The following CALN1 variants were observed in gnomAD, a reference collection of about 807,000 sequenced individuals.
CALN1 encodes the protein calneuron 1.
CALN1 carries 17 observed loss-of-function variants against 30.6 expected under a neutral mutation model. The observed-to-expected ratio is 0.56, with a 90% CI of 0.38 to 0.83. The LOEUF (loss-of-function observed/expected upper bound fraction) is 0.83, where lower values mean the gene tolerates loss of function less well. CALN1 is among the 40% of genes least tolerant of loss of function. The pLI, the probability that CALN1 is intolerant of heterozygous loss-of-function variation, is 0.00. For synonymous variants in CALN1, 156 were observed against 131.4 expected (o/e 1.19, Z -1.28); for missense variants, 291 against 354.9 (o/e 0.82, Z 1.45).
chr7:72,307,439 C>A (rs1479827368), intron 2 of CALN1, among the ~76,000 whole-genome samples: 1 of 152,152 alleles, frequency 6.6e-6, no homozygotes, highest in Non-Finnish European at 1.5e-5. Flanking sequence ...CCCGTCTGGC[C>A]GCAAGAGAGG....
At chr7:71,899,181 T>G in intron 5 of CALN1, among the ~76,000 whole-genome samples, 1 of 146,418 alleles carries the variant, frequency 6.8e-6, no homozygotes. Context: ...GTTTCACTCG[T>G]CGCCCAGGCT....
rs1220716888 is a variant in CALN1, at chr7:71,779,638, ATAT to A, written c.*8134_*8136del. The A allele has an allele frequency of 2.0e-5, 3 of 152,236 alleles. No homozygotes were observed. The highest frequency in any genetic ancestry group is 1.9e-4 in the East Asian group (1 of 5,204). 9.4% of individuals were successfully genotyped at this position (152,236 alleles called of 1,614,324 possible). A position where few individuals can be genotyped will look rare whatever the true frequency, so the allele number is the denominator to read the frequency against. ...GTTTTCCTTTATACACTAAGATAAC[ATAT>A]TAATAATATATACTTCATTTGATCG... On this transcript the variant is annotated 3_prime_UTR_variant, in exon 7 of 7. Coordinates refer to ENST00000395275, the MANE Select transcript of CALN1 (RefSeq NM_031468.4).
chr7:71,938,599 A>G (rs1795966206), intron 5 of CALN1, among the ~76,000 whole-genome samples: 1 of 152,086 alleles, frequency 6.6e-6, no homozygotes, highest in South Asian at 2.1e-4. Flanking sequence ...GTTCGAGACC[A>G]GCCTGGCCAA....
intron 5 of CALN1, among the ~76,000 whole-genome samples, chr7:71,985,139 G>T (rs866856506): frequency 6.8e-6 from 1 of 148,144 alleles, no homozygotes; most frequent in African/African-American, 2.6e-5. Context: ...ACGATGAACA[G>T]GCAAGCTACA....
chr7:71,792,032 T>C (rs1329428953), intron 6 of CALN1, among the ~76,000 whole-genome samples: 1 of 151,712 alleles, frequency 6.6e-6, no homozygotes. Context: ...AAAAATGGCA[T>C]TGAGCAGGAA....
At chr7:72,355,242 T>C (rs1472809125) in intron 2 of CALN1, among the ~76,000 whole-genome samples, 2 of 152,136 alleles carry the variant, frequency 1.3e-5, no homozygotes, top group African/African-American at 4.8e-5. Flanking sequence ...AAGGCACAAA[T>C]TGGCCGGCCG....
intron 5 of CALN1, among the ~76,000 whole-genome samples, chr7:71,898,463 C>G (rs777556129): frequency 2.0e-5 from 3 of 152,018 alleles, no homozygotes; most frequent in Non-Finnish European, 2.9e-5. Context: ...CTGAATGATA[C>G]CGGTAGAGGA....
At chr7:71,950,139 T>G (rs1486541450) in intron 5 of CALN1, among the ~76,000 whole-genome samples, 2 of 152,180 alleles carry the variant, frequency 1.3e-5, no homozygotes, top group Admixed American at 6.5e-5. Context: ...TCCAATTCTT[T>G]GTTCGAGATG....
intron 4 of CALN1, among the ~76,000 whole-genome samples, chr7:72,071,304 G>A (rs917984961): frequency 6.6e-6 from 1 of 152,174 alleles, no homozygotes; most frequent in Non-Finnish European, 1.5e-5. Flanking sequence ...CAAAGAGGCA[G>A]GGGCCACTGT....
chr7:72,108,591 C>T (rs1304342542), intron 3 of CALN1, among the ~76,000 whole-genome samples: 3 of 152,240 alleles, frequency 2.0e-5, no homozygotes, highest in African/African-American at 7.2e-5. Flanking sequence ...ATGTTATCTA[C>T]TGTTCCTTGT....
At chr7:71,838,666 C>A (rs1316815340) in intron 5 of CALN1, among the ~76,000 whole-genome samples, 1 of 152,146 alleles carries the variant, frequency 6.6e-6, no homozygotes, top group Non-Finnish European at 1.5e-5. Context: ...GTGGGAGGAG[C>A]CCAGTGGGAG....
chr7:72,177,963 C>T (rs2129545863), intron 3 of CALN1, among the ~76,000 whole-genome samples: 1 of 152,208 alleles, frequency 6.6e-6, no homozygotes, highest in African/African-American at 2.4e-5. Flanking sequence ...ACCACCTTGC[C>T]AAGTGCTCTT....
the CALN1 span, among the ~76,000 whole-genome samples, chr7:72,487,713 A>AAAGAAAGAAAGAAAGAAAG: frequency 2.3e-3 from 156 of 68,658 alleles, 19 homozygotes; most frequent in African/African-American, 6.8e-3. Context: ...AAAAGAAAAG[A>AAAGAAAGAAAGAAAGAAAG]AAAGAAAGAA....
At position 72,403,462 on chromosome 7, in the gene CALN1, A is replaced by G; in HGVS notation, c.-73-20T>C. 1 of 980,268 alleles carries G rather than the reference A, an allele frequency of 1.0e-6. No homozygotes were observed. Among genetic ancestry groups the G allele is most frequent in the Non-Finnish European group, 1.5e-6 (1 of 666,884 alleles). The allele number at this position is 980,268 out of a possible 1,614,324, so 60.7% of individuals were successfully genotyped here. A position where few individuals can be genotyped will look rare whatever the true frequency, so the allele number is the denominator to read the frequency against. On this transcript the variant is annotated intron_variant, in intron 1 of 6. Coordinates refer to ENST00000395275, the MANE Select transcript of CALN1 (RefSeq NM_031468.4). ...GAGACTCTGAAAGGAGTTGACAGAA[A>G]CTTACAGCCTGCACAGTGCTGGGCG...
Position 71,828,655 on chromosome 7 carries a change from C to CAT in CALN1, c.502-18165_502-18164dup, listed in dbSNP as rs139721128. On this transcript the variant is annotated intron_variant, in intron 5 of 6. Transcript: ENST00000395275. ...CTGAACAGAACCAATGAACTTCTTA[C>CAT]ATATATATATATATGTAAGATATAT... Among the ~76,000 whole-genome samples, 838 of 146,930 alleles carry CAT rather than the reference C, an allele frequency of 5.7e-3. 2 individuals carry two copies. The highest frequency in any genetic ancestry group is 8.3e-3 in the Non-Finnish European group (554 of 66,692).
At chr7:72,478,574 C>T in the CALN1 span, among the ~76,000 whole-genome samples, 2 of 151,438 alleles carry the variant, frequency 1.3e-5, no homozygotes, top group Non-Finnish European at 2.9e-5. Context: ...TCCCAGTCTT[C>T]CTAAAATATT....
At chr7:72,487,890 A>AAAAGAAAG in the CALN1 span, among the ~76,000 whole-genome samples, 159 of 60,284 alleles carry the variant, frequency 2.6e-3, 3 homozygotes, top group Admixed American at 5.7e-3. Context: ...GAAAGAAAAG[A>AAAAGAAAG]AAAGAAAGAA....
At chr7:72,359,832 C>T (rs1803455505) in intron 2 of CALN1, among the ~76,000 whole-genome samples, 1 of 151,830 alleles carries the variant, frequency 6.6e-6, no homozygotes, top group Non-Finnish European at 1.5e-5. Context: ...AAAAAATTAG[C>T]CGGACGTGGT....
At chr7:72,078,952 C>CAAAA (rs1439939835) in intron 4 of CALN1, among the ~76,000 whole-genome samples, 3 of 152,028 alleles carry the variant, frequency 2.0e-5, no homozygotes, top group African/African-American at 7.2e-5. Flanking sequence ...AACAAACAAA[C>CAAAA]AAAAAACAGC....
Sources: allele counts gnomAD v4.1 joint callset (sites outside exome capture counted in the v4.1 genomes callset), GRCh38; gene constraint gnomAD v4.1.1; transcripts MANE v1.5; gene names NCBI Gene and HGNC (gene_info 2026-07-23, HGNC 2026-07-21).